NT5DC3: variants seen among roughly 807,000 people sequenced by gnomAD.
The protein encoded by NT5DC3 is 5'-nucleotidase domain containing 3, also known as 5'-nucleotidase domain-containing protein 3.
Under a neutral mutation model 67.8 loss-of-function variants are expected in NT5DC3, and 42 were observed. That is an observed-to-expected ratio of 0.62 (90% CI 0.48 to 0.80). The LOEUF is 0.80. NT5DC3 is among the 30% of genes least tolerant of loss of function. The probability of loss-of-function intolerance (pLI) is 0.00; values close to 1 mark genes in which losing one functional copy is unlikely to be tolerated. For missense variants in NT5DC3, 570 were observed against 696.4 expected, an observed-to-expected ratio of 0.82 and a Z score of 2.04; for synonymous variants, 237 against 255.6, an observed-to-expected ratio of 0.93 and a Z score of 0.69.
Position 103,840,934 on chromosome 12 carries a change from C to A in NT5DC3, c.208+15G>T. 1.5e-6 allele frequency: 2 copies of A among 1,346,352 alleles called. No individual in the cohort carries two copies. Among genetic ancestry groups the A allele is most frequent in the Admixed American group, 3.4e-5 (1 of 29,366 alleles). 83.4% of individuals were successfully genotyped at this position (1,346,352 alleles called of 1,614,324 possible). On this transcript the variant is annotated intron_variant, in intron 1 of 13. Transcript: ENST00000392876. The stretch of plus-strand genomic sequence containing the variant: ...GGGGCCCCAGGCGCCGGGGCGGGGT[C>A]GCCGCCTCACTCACCTTCTGTGCTT...
chr12:103,753,425 G>C, the NT5DC3 span: 1 of 1,604,742 alleles, frequency 6.2e-7, no homozygotes, highest in Non-Finnish European at 8.5e-7. Flanking sequence ...TTCTTAAGAT[G>C]GGGAAGACTT....
chr12:103,793,207 T>C lies in NT5DC3; in HGVS notation c.976A>G (p.Ile326Val), dbSNP rs779889410. The change falls in exon 9 of 14, where the codon ATT becomes GTT. Residue 326 changes from isoleucine (I) to valine (V), a missense_variant. Physicochemically the swap from Ile to Val is conservative, Grantham distance 29. Transcript: ENST00000392876. ...AAGTTTGGCTTCTCAGCCTGAACAA[T>C]GACCACATCGAACAGGTCCCTCCAG... is the stretch of plus-strand genomic sequence containing the variant. ...KDWRDLFDVVIVQAEKPNFFN... is the reference protein window; with the variant it reads ...KDWRDLFDVVVVQAEKPNFFN... 85 of 1,608,608 alleles carry C rather than the reference T, an allele frequency of 5.3e-5. No homozygotes were observed. The highest frequency in any genetic ancestry group is 6.9e-5 in the Non-Finnish European group (81 of 1,178,858).
chr12:103,790,097 T>TC (rs1357854077), intron 9 of NT5DC3, among the ~76,000 whole-genome samples: 3 of 152,106 alleles, frequency 2.0e-5, no homozygotes, highest in East Asian at 1.9e-4. Context: ...CTTTTTTTTT[T>TC]CCCAAATACA....
intron 9 of NT5DC3, 103 bp from the exon 10 acceptor site, chr12:103,789,022 A>C: frequency 1.3e-6 from 1 of 799,668 alleles, no homozygotes; most frequent in Admixed American, 2.1e-5. Context: ...CCCTGCAAAA[A>C]CCTAAAAAAA....
At chr12:103,784,206 C>G (rs1593384897) in intron 12 of NT5DC3, among the ~76,000 whole-genome samples, 1 of 152,324 alleles carries the variant, frequency 6.6e-6, no homozygotes, top group South Asian at 2.1e-4. Flanking sequence ...CTAAACTACA[C>G]TAACTCAGAA....
chr12:103,762,476 G>T, the NT5DC3 span: 2 of 1,605,496 alleles, frequency 1.2e-6, no homozygotes, highest in African/African-American at 1.3e-5. Flanking sequence ...GGCTGCTTCA[G>T]TCGGTGGCTG....
rs574622477 is a variant in NT5DC3 at position 103,828,489 on chromosome 12, GC to G, written c.208+12459del. ...TACGACCACAGGATCAACATCATAT[GC>G]CTAAACTATGGGGAAGACTTTTAAA... On this transcript the variant is annotated intron_variant, in intron 1 of 13. Transcript: ENST00000392876. Among the ~76,000 whole-genome samples the G allele has an allele frequency of 5.3e-4, 80 of 152,254 alleles. 1 individual carries two copies. The highest frequency in any genetic ancestry group is 7.4e-4 in the Non-Finnish European group (50 of 68,002).
chr12:103,777,804 TAC>T lies in NT5DC3; in HGVS notation c.*23_*24del. 4 of 1,595,058 alleles carry T rather than the reference TAC, an allele frequency of 2.5e-6. No individual in the cohort carries two copies. Among genetic ancestry groups the T allele is most frequent in the Non-Finnish European group, 3.4e-6 (4 of 1,171,374 alleles). On this transcript the variant is annotated 3_prime_UTR_variant, in exon 14 of 14. Coordinates refer to ENST00000392876, the MANE Select transcript of NT5DC3 (RefSeq NM_001031701.3). ...TCATGCCTGCCCAATCAGGGGCAGT[TAC>T]AGTTTCTAGTTTTTGCCCTTGGCTA...
At chr12:103,780,454 G>A (rs1041332371) in intron 12 of NT5DC3, 90 bp from the exon 13 acceptor site, 3 of 1,211,790 alleles carry the variant, frequency 2.5e-6, no homozygotes, top group Admixed American at 1.8e-5. Flanking sequence ...GTTTTTCTAG[G>A]AGAAATTTTA....
chr12:103,801,264 A>G (rs1886562714), intron 4 of NT5DC3, among the ~76,000 whole-genome samples: 1 of 150,350 alleles, frequency 6.7e-6, no homozygotes, highest in South Asian at 2.1e-4. Context: ...TCTCTCATTC[A>G]TGGCCCCTTC....
rs546280212 is a variant in NT5DC3 at position 103,781,632 on chromosome 12, G to A, written c.1330-1268C>T. Reference sequence around the variant, plus strand: ...CCATTGAAAAAAGAAGATTTCTCCTGGTGCCCAACCCCCTTTCTCCAGCTC... The same window carrying A: ...CCATTGAAAAAAGAAGATTTCTCCTAGTGCCCAACCCCCTTTCTCCAGCTC... On this transcript the variant is annotated intron_variant, in intron 12 of 13. Transcript: ENST00000392876. Among the ~76,000 whole-genome samples, 3 of 142,232 alleles carry A rather than the reference G, an allele frequency of 2.1e-5. No homozygotes were observed. In the East Asian group the frequency reaches 7.1e-4, roughly 34 times the overall value. 93.3% of individuals were successfully genotyped at this position (142,232 alleles called of 152,430 possible).
At chr12:103,825,051 G>C (rs2139451006) in intron 1 of NT5DC3, among the ~76,000 whole-genome samples, 1 of 151,922 alleles carries the variant, frequency 6.6e-6, no homozygotes, top group African/African-American at 2.4e-5. Context: ...GCAAGACAGA[G>C]GAACTTGGCA....
intron 1 of NT5DC3, among the ~76,000 whole-genome samples, chr12:103,837,122 A>G (rs887034576): frequency 6.6e-6 from 1 of 152,164 alleles, no homozygotes; most frequent in Non-Finnish European, 1.5e-5. Flanking sequence ...ACTTCGGTGC[A>G]CCCGTAGGCT....
At chr12:103,748,119 T>C in the NT5DC3 span, among the ~76,000 whole-genome samples, 2 of 152,150 alleles carry the variant, frequency 1.3e-5, no homozygotes, top group Non-Finnish European at 2.9e-5. Flanking sequence ...CACAGAGATA[T>C]ATACTTTCTT....
At chr12:103,801,821 G>A (rs1658192896) in intron 4 of NT5DC3, among the ~76,000 whole-genome samples, 1 of 152,172 alleles carries the variant, frequency 6.6e-6, no homozygotes. Context: ...AAGGCTCAGT[G>A]GACTAAACCC....
rs1352600369 is a variant in NT5DC3 at position 103,772,896 on chromosome 12, G to A, written c.*4933C>T. 6.6e-6 allele frequency: 1 copy of A among 152,290 alleles called. No homozygotes were observed. The highest frequency in any genetic ancestry group is 1.5e-5 in the Non-Finnish European group (1 of 68,144). 9.4% of individuals were successfully genotyped at this position (152,290 alleles called of 1,614,324 possible). A position where few individuals can be genotyped will look rare whatever the true frequency, so the allele number is the denominator to read the frequency against. On this transcript the variant is annotated 3_prime_UTR_variant, in exon 14 of 14. Transcript: ENST00000392876. Reference sequence around the variant, plus strand: ...AGCAGCACTCCCAGCTGTTAGGGGAGTATGTCCTTCAGTCTGGAAAGGTCA... The same window carrying A: ...AGCAGCACTCCCAGCTGTTAGGGGAATATGTCCTTCAGTCTGGAAAGGTCA...
the NT5DC3 span, chr12:103,759,154 G>A: frequency 8.4e-4 from 1,363 of 1,613,954 alleles, no homozygotes; most frequent in Non-Finnish European, 1.1e-3. Flanking sequence ...GCGGGACATC[G>A]AGCACCACCT....
chr12:103,749,251 C>G, the NT5DC3 span: 1 of 1,317,384 alleles, frequency 7.6e-7, no homozygotes, highest in Non-Finnish European at 1.0e-6. Context: ...ATCTCCTGGA[C>G]TCTTCCTAAA....
the NT5DC3 span, among the ~76,000 whole-genome samples, chr12:103,760,690 T>C: frequency 2.6e-5 from 4 of 152,216 alleles, no homozygotes; most frequent in East Asian, 7.7e-4. Context: ...ATTCAGGTTC[T>C]GAGACATGCA....
Sources: allele counts gnomAD v4.1 joint callset (sites outside exome capture counted in the v4.1 genomes callset), GRCh38; gene constraint gnomAD v4.1.1; transcripts MANE v1.5; gene names NCBI Gene and HGNC (gene_info 2026-07-23, HGNC 2026-07-21).